Variants in GIPC1 observed in about 807,000 individuals in gnomAD.
The protein encoded by GIPC1 is GIPC PDZ domain containing family member 1.
In GIPC1, 15 loss-of-function variants were observed where a neutral mutation model predicts 28.5. That is an observed-to-expected ratio of 0.53 (90% CI 0.35 to 0.81). The LOEUF (loss-of-function observed/expected upper bound fraction) is 0.81. GIPC1 is among the 30% of genes least tolerant of loss of function. The pLI, the probability that GIPC1 is intolerant of heterozygous loss-of-function variation, is 0.01. For synonymous variants in GIPC1, 224 were observed against 206.1 expected (o/e 1.09, Z -0.74); for missense variants, 439 against 481.9 (o/e 0.91, Z 0.83).
intron 6 of GIPC1, chr19:14,479,741 G>A (rs1005130190): frequency 9.3e-6 from 4 of 431,814 alleles, no homozygotes; most frequent in African/African-American, 6.2e-5. Flanking sequence ...CTGGGGGCCA[G>A]GAATAGGAAA....
rs766072391 is a variant in GIPC1 at position 14,478,741 on chromosome 19, T to C, written c.793A>G (p.Ile265Val). 79 of 1,613,366 alleles carry C rather than the reference T, an allele frequency of 4.9e-5. No individual in the cohort carries two copies. Among genetic ancestry groups the C allele is most frequent in the Non-Finnish European group, 6.3e-5 (74 of 1,179,698 alleles). The change falls in exon 8 of 9, where the codon ATT (isoleucine) becomes GTT (valine). Residue 265 changes from isoleucine (I) to valine (V), a missense_variant. By Grantham distance (29) the Ile-to-Val change is conservative. Transcript: ENST00000393033. This position sits in a 1 kb window ranked among gnomAD's most constrained non-coding sequence, Gnocchi z 5.2. Reference sequence around the variant, plus strand: ...TCCAGCAGGTCATCCACCTTCTCAATGGCCTTCTCTTCAAAGGCAGAGGGC... The same window carrying C: ...TCCAGCAGGTCATCCACCTTCTCAACGGCCTTCTCTTCAAAGGCAGAGGGC... Reference protein sequence around the residue: ...DLPSAFEEKAIEKVDDLLESY... With the variant: ...DLPSAFEEKAVEKVDDLLESY...
chr19:14,480,738 TC>T lies in GIPC1; in HGVS notation c.328del (p.Asp110ThrfsTer18), dbSNP rs2071711840. On this transcript the variant is annotated frameshift_variant, in exon 5 of 9. Transcript: ENST00000393033. LOFTEE classifies it high-confidence loss of function. ...CTLNTHKVDM[D>X]KLLGGQIGLE... ...CCCGATCTGGCCCCCCAGGAGCTTG[TC>T]CATGTCCACTTTGTGGGTGTTCAGG... The T allele has an allele frequency of 6.2e-7, 1 of 1,613,894 alleles. No individual in the cohort carries two copies.
rs765567052 is a variant in GIPC1 at position 14,480,324 on chromosome 19, C to T, written c.636G>A (p.Thr212=). 12 of 1,611,268 alleles carry T rather than the reference C, an allele frequency of 7.4e-6. No homozygotes were observed. Among genetic ancestry groups the T allele is most frequent in the Non-Finnish European group, 1.0e-5 (12 of 1,179,810 alleles). ...PRGRTFTLKL[T]EPRKAFDMIS... is the part of the protein sequence containing the mutation. Reference sequence around the variant, plus strand: ...CCTCACCGAAGGCCTTGCGAGGCTCCGTGAGCTTCAGCGTGAAGGTACGGC... The same window carrying T: ...CCTCACCGAAGGCCTTGCGAGGCTCTGTGAGCTTCAGCGTGAAGGTACGGC... Residue 212 remains threonine, a synonymous_variant, in exon 6 of 9, where the codon ACG becomes ACA. Coordinates refer to ENST00000393033, the MANE Select transcript of GIPC1 (RefSeq NM_005716.4).
chr19:14,482,542 GCCCAGGCCATTGGC>G (rs1406506078), intron 4 of GIPC1, 133 bp downstream of exon 4: 1 of 778,578 alleles, frequency 1.3e-6, no homozygotes, highest in African/African-American at 1.7e-5. Flanking sequence ...TCAGCATCCA[GCCCAGGCCATTGGC>G]CCCCACCACT....
chr19:14,486,162 G>A (rs1241083179), intron 3 of GIPC1, among the ~76,000 whole-genome samples: 1 of 152,126 alleles, frequency 6.6e-6, no homozygotes, highest in Non-Finnish European at 1.5e-5. Context: ...GACAGGTATG[G>A]GCCACCGTGC....
chr19:14,478,142 T>G lies in GIPC1; in HGVS notation c.*274A>C. ...GGTGGAGGCGGGGGTGGCCGCCCAATTTGGCTGATCCCTCCCCTCCCTGTG... is the reference window on the plus strand; with the variant it reads ...GGTGGAGGCGGGGGTGGCCGCCCAAGTTGGCTGATCCCTCCCCTCCCTGTG... On this transcript the variant is annotated 3_prime_UTR_variant, in exon 9 of 9. Transcript: ENST00000393033. This position sits in a 1 kb window ranked among gnomAD's most constrained non-coding sequence, Gnocchi z 5.2. The G allele has an allele frequency of 3.0e-5, 12 of 402,050 alleles. No individual in the cohort carries two copies. The highest frequency in any genetic ancestry group is 4.1e-5 in the Non-Finnish European group (9 of 221,754). The allele number at this position is 402,050 out of a possible 1,614,324, so 24.9% of individuals were successfully genotyped here. A position where few individuals can be genotyped will look rare whatever the true frequency, so the allele number is the denominator to read the frequency against.
rs760719143 is a variant in GIPC1 at position 14,480,314 on chromosome 19, T to C, written c.646A>G (p.Lys216Glu). 1.2e-5 allele frequency: 19 copies of C among 1,610,792 alleles called. No homozygotes were observed. The highest frequency in any genetic ancestry group is 1.6e-5 in the Non-Finnish European group (19 of 1,179,672). The change falls in exon 6 of 9, where the codon AAG becomes GAG. Residue 216 changes from lysine (K) to glutamate (E), a missense_variant. Physicochemically the swap from Lys to Glu is moderately conservative, Grantham distance 56. Coordinates refer to ENST00000393033, the MANE Select transcript of GIPC1 (RefSeq NM_005716.4). Reference sequence around the variant, plus strand: ...GGGGGCGGCTCCTCACCGAAGGCCTTGCGAGGCTCCGTGAGCTTCAGCGTG... The same window carrying C: ...GGGGGCGGCTCCTCACCGAAGGCCTCGCGAGGCTCCGTGAGCTTCAGCGTG... The part of the protein sequence containing the change: ...TFTLKLTEPR[K>E]AFDMISQRSA...
At chr19:14,479,932 A>C in intron 6 of GIPC1, 1 of 426,078 alleles carries the variant, frequency 2.3e-6, no homozygotes, top group Non-Finnish European at 4.2e-6. Flanking sequence ...CCCCACCCCC[A>C]CCTCAGGGGC....
At chr19:14,493,165 G>A (rs1328973079) in intron 1 of GIPC1, among the ~76,000 whole-genome samples, 2 of 152,164 alleles carry the variant, frequency 1.3e-5, no homozygotes, top group Non-Finnish European at 2.9e-5. Context: ...TGCCCCTGTG[G>A]TACAGATGGC....
chr19:14,483,733 A>T (rs188177127), intron 3 of GIPC1, among the ~76,000 whole-genome samples: 2 of 150,184 alleles, frequency 1.3e-5, no homozygotes, highest in African/African-American at 4.9e-5. Flanking sequence ...TGGGCAAAAG[A>T]GCAAGACTCT....
intron 3 of GIPC1, 72 bp downstream of exon 3, chr19:14,491,584 G>A (rs1041368448): frequency 6.6e-6 from 1 of 152,226 alleles, no homozygotes; most frequent in Non-Finnish European, 1.5e-5. Context: ...GTATCCATTT[G>A]TTCATGCATC....
chr19:14,481,058 C>T (rs58899474), intron 4 of GIPC1, among the ~76,000 whole-genome samples: 10,858 of 152,248 alleles, frequency 0.071, 414 homozygotes, highest in Admixed American at 0.091. Flanking sequence ...CAGCCACAAC[C>T]TCCCAGATTC....
At chr19:14,495,427 T>C (rs1470647104) in intron 1 of GIPC1, among the ~76,000 whole-genome samples, 1 of 152,034 alleles carries the variant, frequency 6.6e-6, no homozygotes, top group Non-Finnish European at 1.5e-5. Flanking sequence ...GGGGCATGAG[T>C]TCCAGTCCCA....
rs769439176 is a variant in GIPC1, at chr19:14,482,748, T to C, written c.229A>G (p.Thr77Ala). The stretch of plus-strand genomic sequence containing the variant: ...TTGCCATACAGCTCCTTGACGTTGG[T>C]GAAGCCCTCGATGCGGCCAGTGGGA... ...GSPTGRIEGF[T>A]NVKELYGKIA... The change falls in exon 4 of 9, where the codon ACC (threonine) becomes GCC (alanine). Residue 77 changes from threonine (T) to alanine (A), a missense_variant. Coordinates refer to ENST00000393033, the MANE Select transcript of GIPC1 (RefSeq NM_005716.4). The C allele has an allele frequency of 6.2e-7, 1 of 1,611,468 alleles. No homozygotes were observed. Among genetic ancestry groups the C allele is most frequent in the South Asian group, 1.1e-5 (1 of 90,934 alleles).
In GIPC1 at chr19:14,480,420, GGCCTCGATCATGTC is replaced by G; in HGVS notation, c.526_539del (p.Asp176HisfsTer2). 1.2e-6 allele frequency: 2 copies of G among 1,613,766 alleles called. No homozygotes were observed. Among genetic ancestry groups the G allele is most frequent in the Non-Finnish European group, 1.7e-6 (2 of 1,179,894 alleles). On this transcript the variant is annotated frameshift_variant, in exon 6 of 9. Coordinates refer to ENST00000393033, the MANE Select transcript of GIPC1 (RefSeq NM_005716.4). LOFTEE classifies it high-confidence loss of function. ...AGCCCAGCAGGCTCTGCCCGTTAAT[GGCCTCGATCATGTC>G]GCCCACGCTGATGAGGTGGATGTGG...
intron 1 of GIPC1, 52 bp downstream of exon 1, chr19:14,495,985 C>A (rs2072068878): frequency 1.0e-5 from 2 of 191,612 alleles, no homozygotes; most frequent in South Asian, 1.3e-4. Flanking sequence ...CGCAGGCCCG[C>A]GACCCCCGAG....
intron 3 of GIPC1, among the ~76,000 whole-genome samples, chr19:14,484,187 G>A (rs1170995686): frequency 1.4e-5 from 2 of 146,758 alleles, no homozygotes; most frequent in Non-Finnish European, 3.0e-5. Flanking sequence ...CTGGAGTGCA[G>A]TGGTGCAATC....
rs1371308295 is a variant in GIPC1 at position 14,480,583 on chromosome 19, C to T, written c.474+10G>A. The T allele has an allele frequency of 1.9e-6, 3 of 1,613,038 alleles. No individual in the cohort carries two copies. The highest frequency in any genetic ancestry group is 2.5e-6 in the Non-Finnish European group (3 of 1,179,328). ...CCCAGGCCTCCGGGGTGCCCCGTCT[C>T]CCCAGGCACCTTGATGAAGGCGTAG... On this transcript the variant is annotated intron_variant, in intron 5 of 8. Transcript: ENST00000393033.
intron 3 of GIPC1, among the ~76,000 whole-genome samples, chr19:14,490,266 T>C (rs1166123068): frequency 6.6e-6 from 1 of 151,812 alleles, no homozygotes; most frequent in African/African-American, 2.4e-5. Flanking sequence ...CTGGGGAGGC[T>C]GAGGCAGGAG....
Sources: gnomAD v4.1 joint callset for allele counts (sites outside exome capture counted in the v4.1 genomes callset) on GRCh38, gnomAD v4.1.1 for gene constraint, Gnocchi (gnomAD v3.1) non-coding constraint, MANE v1.5 for transcripts, NCBI Gene and HGNC (gene_info 2026-07-23, HGNC 2026-07-21) for gene names.